SKIC2: variants seen among roughly 807,000 people sequenced by gnomAD.
The protein encoded by SKIC2 is superkiller complex protein 2.
chr6:31,965,926 G>A, the SKIC2 span: 1 of 1,613,064 alleles, frequency 6.2e-7, no homozygotes, highest in Non-Finnish European at 8.5e-7. The surrounding 1 kb of genome is among the most constrained non-coding windows in gnomAD (Gnocchi z 5.6). Flanking sequence ...GCCGGGCAGG[G>A]CGGAGGGGCC....
the SKIC2 span, chr6:31,966,782 C>G: frequency 6.2e-7 from 1 of 1,613,922 alleles, no homozygotes; most frequent in South Asian, 1.1e-5. This position sits in a 1 kb window ranked among gnomAD's most constrained non-coding sequence, Gnocchi z 5.9. Context: ...CGAGTGGATG[C>G]CCTCAGGGTG....
chr6:31,963,720 G>A, the SKIC2 span: 6 of 1,546,732 alleles, frequency 3.9e-6, no homozygotes, highest in Admixed American at 2.0e-5. The surrounding 1 kb of genome is among the most constrained non-coding windows in gnomAD (Gnocchi z 5.3). Context: ...ACACATCAGG[G>A]GGGCCCTGCA....
the SKIC2 span, chr6:31,962,729 T>C: frequency 6.2e-7 from 1 of 1,612,912 alleles, no homozygotes; most frequent in Non-Finnish European, 8.5e-7. This position sits in a 1 kb window ranked among gnomAD's most constrained non-coding sequence, Gnocchi z 5.0. Flanking sequence ...TGCTGTACAG[T>C]GGCTCAGATG....
chr6:31,960,172 G>T, the SKIC2 span: 1 of 1,606,874 alleles, frequency 6.2e-7, no homozygotes, highest in Non-Finnish European at 8.5e-7. Context: ...GAAGGAAGCT[G>T]GGACAGAGGA....
At chr6:31,959,364 G>A in the SKIC2 span, 2 of 1,613,822 alleles carry the variant, frequency 1.2e-6, no homozygotes. Flanking sequence ...CGGGGCACTG[G>A]GAGCTGCTGA....
chr6:31,964,351 G>T, the SKIC2 span: 1 of 1,607,530 alleles, frequency 6.2e-7, no homozygotes, highest in Non-Finnish European at 8.5e-7. This position sits in a 1 kb window ranked among gnomAD's most constrained non-coding sequence, Gnocchi z 5.0. Flanking sequence ...AGGTGCATGT[G>T]GTGGTGGAAA....
At chr6:31,969,231 C>T in the SKIC2 span, 2 of 1,606,302 alleles carry the variant, frequency 1.2e-6, no homozygotes, top group Middle Eastern at 3.6e-4. This position sits in a 1 kb window ranked among gnomAD's most constrained non-coding sequence, Gnocchi z 6.1. Context: ...TGGTCCTTCC[C>T]TGTCCTGGAG....
chr6:31,962,873 C>A, the SKIC2 span: 1 of 1,321,356 alleles, frequency 7.6e-7, no homozygotes, highest in Non-Finnish European at 1.1e-6. The surrounding 1 kb of genome is among the most constrained non-coding windows in gnomAD (Gnocchi z 5.0). Flanking sequence ...TTATTCCACA[C>A]ACTCAGGGCC....
the SKIC2 span, chr6:31,965,732 G>A: frequency 9.0e-7 from 1 of 1,116,294 alleles, no homozygotes; most frequent in South Asian, 1.3e-5. The surrounding 1 kb of genome is among the most constrained non-coding windows in gnomAD (Gnocchi z 5.6). Context: ...AGGGCTGGGG[G>A]TGTGTGTATG....
At chr6:31,960,204 C>A in the SKIC2 span, 1 of 1,611,118 alleles carries the variant, frequency 6.2e-7, no homozygotes, top group African/African-American at 1.3e-5. Flanking sequence ...CCAAAAGTTA[C>A]TATTTTTCTC....
At chr6:31,965,896 G>A in the SKIC2 span, 2 of 1,613,048 alleles carry the variant, frequency 1.2e-6, no homozygotes, top group Admixed American at 1.7e-5. The surrounding 1 kb of genome is among the most constrained non-coding windows in gnomAD (Gnocchi z 5.6). Flanking sequence ...TGCTCCCTGG[G>A]GAGTATGTGC....
At chr6:31,968,295 T>C in the SKIC2 span, 1 of 1,557,970 alleles carries the variant, frequency 6.4e-7, no homozygotes, top group Non-Finnish European at 8.8e-7. The surrounding 1 kb of genome is among the most constrained non-coding windows in gnomAD (Gnocchi z 6.1). Context: ...GAGAAGATCT[T>C]ACCCCAGATC....
the SKIC2 span, chr6:31,967,277 G>A: frequency 1.9e-5 from 30 of 1,612,660 alleles, no homozygotes; most frequent in Middle Eastern, 1.6e-4. The surrounding 1 kb of genome is among the most constrained non-coding windows in gnomAD (Gnocchi z 4.9). Flanking sequence ...CTTCAGCGAC[G>A]CATCATGGAG....
the SKIC2 span, chr6:31,968,569 G>A: frequency 6.3e-7 from 1 of 1,591,430 alleles, no homozygotes; most frequent in African/African-American, 1.3e-5. The surrounding 1 kb of genome is among the most constrained non-coding windows in gnomAD (Gnocchi z 6.1). Context: ...TCCCAAGCTG[G>A]GAGTAGGGGC....
the SKIC2 span, chr6:31,967,198 A>G: frequency 6.2e-7 from 1 of 1,608,182 alleles, no homozygotes; most frequent in Non-Finnish European, 8.5e-7. The surrounding 1 kb of genome is among the most constrained non-coding windows in gnomAD (Gnocchi z 4.9). Context: ...AGATCGTGTT[A>G]CTCTAGGTGC....
At chr6:31,969,462 G>A in the SKIC2 span, 1 of 1,613,974 alleles carries the variant, frequency 6.2e-7, no homozygotes, top group Non-Finnish European at 8.5e-7. This position sits in a 1 kb window ranked among gnomAD's most constrained non-coding sequence, Gnocchi z 6.1. Context: ...GGCTGGCTGG[G>A]GAGAACCTGC....
the SKIC2 span, chr6:31,963,032 TTCTA>T: frequency 6.2e-7 from 1 of 1,612,888 alleles, no homozygotes; most frequent in East Asian, 2.2e-5. The surrounding 1 kb of genome is among the most constrained non-coding windows in gnomAD (Gnocchi z 5.3). Context: ...CTGACCACGT[TTCTA>T]TCATCCTTCT....
At chr6:31,960,705 G>A in the SKIC2 span, 4 of 1,581,132 alleles carry the variant, frequency 2.5e-6, no homozygotes, top group Non-Finnish European at 3.4e-6. Flanking sequence ...CTGAACACAC[G>A]GGAGGAGGCT....
the SKIC2 span, chr6:31,968,401 G>A: frequency 5.0e-5 from 81 of 1,612,810 alleles, no homozygotes; most frequent in Non-Finnish European, 6.2e-5. This position sits in a 1 kb window ranked among gnomAD's most constrained non-coding sequence, Gnocchi z 6.1. Flanking sequence ...CCACCCAGCC[G>A]GACCTCCCAC....
Sources: gnomAD v4.1 joint callset for allele counts on GRCh38, gnomAD v4.1.1 for gene constraint, Gnocchi (gnomAD v3.1) non-coding constraint, MANE v1.5 for transcripts, NCBI Gene and HGNC (gene_info 2026-07-23, HGNC 2026-07-21) for gene names.